The following DGKB variants were observed in gnomAD, a reference collection of about 807,000 sequenced individuals.
DGKB encodes the protein diacylglycerol kinase beta.
A neutral mutation model predicts 114.3 loss-of-function variants in DGKB; 67 were observed. The observed-to-expected ratio is 0.59, with a 90% confidence interval of 0.48 to 0.72. DGKB has a LOEUF of 0.72. Among genes scored for constraint, DGKB ranks in the 30% least tolerant of loss-of-function variants. DGKB has a pLI of 0.00. For missense variants in DGKB, 907 were observed against 975.2 expected (o/e 0.93, Z 0.93); for synonymous variants, 398 against 323.1 (o/e 1.23, Z -2.49).
chr7:14,971,263 A>G (rs762565005), intron 1 of DGKB, among the ~76,000 whole-genome samples: 1 of 152,162 alleles, frequency 6.6e-6, no homozygotes, highest in African/African-American at 2.4e-5. Flanking sequence ...TCATGAAAGG[A>G]ACAATAGTCA....
rs2128205519 is a variant in DGKB, at chr7:14,145,772, T to A, written c.*3359A>T. 1.3e-5 allele frequency: 2 copies of A among 152,296 alleles called. No individual in the cohort carries two copies. Among genetic ancestry groups the A allele is most frequent in the Middle Eastern group, 6.8e-3 (2 of 294 alleles). 9.4% of individuals were successfully genotyped at this position (152,296 alleles called of 1,614,324 possible). A position where few individuals can be genotyped will look rare whatever the true frequency, so the allele number is the denominator to read the frequency against. ...GCGCCTGGCCACATTTTCCTTTTTA[T>A]AACCAATGAACAACAAACTAACGTT... On this transcript the variant is annotated 3_prime_UTR_variant, in exon 26 of 26. Transcript: ENST00000402815.
chr7:14,668,397 T>C (rs753642073), intron 13 of DGKB, among the ~76,000 whole-genome samples: 4 of 152,108 alleles, frequency 2.6e-5, no homozygotes, highest in African/African-American at 7.2e-5. Context: ...AATCTCTCTA[T>C]TGGGATTTGG....
At chr7:14,283,050 T>C (rs1462441375) in intron 23 of DGKB, among the ~76,000 whole-genome samples, 8 of 151,706 alleles carry the variant, frequency 5.3e-5, no homozygotes, top group Non-Finnish European at 1.2e-4. Flanking sequence ...GGGTATTCAA[T>C]TAGGAAAAGA....
chr7:14,418,327 GTA>G (rs1020426338), intron 21 of DGKB, among the ~76,000 whole-genome samples: 4 of 75,566 alleles, frequency 5.3e-5, no homozygotes, highest in East Asian at 1.4e-3. Flanking sequence ...ATGTATATAT[GTA>G]TATATATACA....
chr7:14,160,883 A>T (rs1783776164), intron 25 of DGKB, among the ~76,000 whole-genome samples: 1 of 152,230 alleles, frequency 6.6e-6, no homozygotes, highest in African/African-American at 2.4e-5. Context: ...ACAAGGCTAC[A>T]GTAACCAAAA....
At chr7:14,699,422 C>A (rs1824705461) in intron 7 of DGKB, among the ~76,000 whole-genome samples, 2 of 152,000 alleles carry the variant, frequency 1.3e-5, no homozygotes, top group Admixed American at 1.3e-4. Context: ...TTAGGTAAGC[C>A]ACCCCACCTA....
intron 6 of DGKB, among the ~76,000 whole-genome samples, chr7:14,714,380 C>G (rs951680056): frequency 1.3e-5 from 2 of 152,064 alleles, no homozygotes; most frequent in African/African-American, 2.4e-5. Flanking sequence ...CCAAAGCAAG[C>G]CTGGCAGAGT....
intron 20 of DGKB, among the ~76,000 whole-genome samples, chr7:14,497,884 T>A (rs1785534768): frequency 1.3e-5 from 2 of 151,954 alleles, no homozygotes; most frequent in South Asian, 2.1e-4. Flanking sequence ...TTGAAAAAAA[T>A]TCCTTTATAT....
chr7:14,620,948 G>GA (rs1186020929), intron 15 of DGKB, among the ~76,000 whole-genome samples: 13 of 151,176 alleles, frequency 8.6e-5, no homozygotes, highest in African/African-American at 3.2e-4. Flanking sequence ...TATTTATTTA[G>GA]AAAAAAATGC....
At position 14,723,012 on chromosome 7, in the gene DGKB, T is replaced by TATTTATTTATTTATTC. The variant is rs1250763186; in HGVS notation, c.323-4328_323-4327insGAATAAATAAATAAAT. On this transcript the variant is annotated intron_variant, in intron 5 of 25. Transcript: ENST00000402815. The stretch of plus-strand genomic sequence containing the variant: ...CTACTCTACCCTTTATTTATTTATT[T>TATTTATTTATTTATTC]ATTTATTTATTCATTTTTTTTTCTT... 4.9e-3 allele frequency among the ~76,000 whole-genome samples: 743 copies of TATTTATTTATTTATTC among 150,904 alleles called. 9 individuals are homozygous for TATTTATTTATTTATTC. Among genetic ancestry groups the TATTTATTTATTTATTC allele is most frequent in the African/African-American group, 0.018 (714 of 40,528 alleles).
chr7:14,866,290 C>A (rs1459297684), intron 1 of DGKB, among the ~76,000 whole-genome samples: 1 of 152,106 alleles, frequency 6.6e-6, no homozygotes, highest in Non-Finnish European at 1.5e-5. Context: ...CCATAGTTTA[C>A]ATTAGGATCT....
chr7:14,879,746 G>A (rs1400460778), intron 1 of DGKB, among the ~76,000 whole-genome samples: 3 of 152,088 alleles, frequency 2.0e-5, no homozygotes, highest in Non-Finnish European at 4.4e-5. Flanking sequence ...ATACCTCAAT[G>A]CTGAAAGAAT....
intron 20 of DGKB, among the ~76,000 whole-genome samples, chr7:14,559,668 G>C (rs1796364761): frequency 6.6e-6 from 1 of 152,224 alleles, no homozygotes; most frequent in East Asian, 1.9e-4. Flanking sequence ...TCAAAAACTT[G>C]ATGCATTGAA....
intron 1 of DGKB, among the ~76,000 whole-genome samples, chr7:14,882,571 T>C (rs2128215397): frequency 6.6e-6 from 1 of 152,136 alleles, no homozygotes; most frequent in African/African-American, 2.4e-5. Flanking sequence ...ATTCATAATT[T>C]ATCATCCTTC....
intron 20 of DGKB, among the ~76,000 whole-genome samples, chr7:14,504,757 T>C (rs545777999): frequency 6.6e-6 from 1 of 152,148 alleles, no homozygotes; most frequent in Non-Finnish European, 1.5e-5. Flanking sequence ...GTTTATAACT[T>C]GAGGTTGATT....
At chr7:14,615,482 A>G (rs550297259) in intron 15 of DGKB, among the ~76,000 whole-genome samples, 1 of 152,020 alleles carries the variant, frequency 6.6e-6, no homozygotes, top group South Asian at 2.1e-4. Flanking sequence ...ACAAATAAAT[A>G]TCCCACTGGA....
At position 14,245,186 on chromosome 7, in the gene DGKB, G is replaced by A. The variant is rs573551203; in HGVS notation, c.2123-67035C>T. Among the ~76,000 whole-genome samples the A allele has an allele frequency of 1.5e-4, 22 of 150,574 alleles. No homozygotes were observed. In the East Asian group the frequency reaches 3.3e-3, roughly 23 times the overall value. ...TACACATACACACACACACACACAC[G>A]CACAAAACACACACTGTGCTAAACT... On this transcript the variant is annotated intron_variant, in intron 23 of 25. Transcript: ENST00000402815.
At chr7:14,855,185 G>A (rs1459241221) in intron 1 of DGKB, among the ~76,000 whole-genome samples, 2 of 152,154 alleles carry the variant, frequency 1.3e-5, no homozygotes, top group African/African-American at 4.8e-5. Context: ...GCTGTTTGGA[G>A]ATCAGCAGAG....
intron 23 of DGKB, among the ~76,000 whole-genome samples, chr7:14,214,279 A>G (rs1788604841): frequency 6.6e-6 from 1 of 152,054 alleles, no homozygotes; most frequent in South Asian, 2.1e-4. Context: ...TCTTGTCTTC[A>G]TTTTCAACTT....
Sources: allele counts gnomAD v4.1 joint callset (sites outside exome capture counted in the v4.1 genomes callset), GRCh38; gene constraint gnomAD v4.1.1; transcripts MANE v1.5; gene names NCBI Gene and HGNC (gene_info 2026-07-23, HGNC 2026-07-21).